Variants in AP2A2 observed in about 807,000 individuals in gnomAD.
The protein encoded by AP2A2 is AP-2 complex subunit alpha-2.
Under a neutral mutation model 104.2 loss-of-function variants are expected in AP2A2, and 32 were observed. The observed-to-expected ratio is 0.31, with a 90% CI of 0.23 to 0.41. AP2A2 has a LOEUF of 0.41. Among genes scored for constraint, AP2A2 ranks in the 10% least tolerant of loss-of-function variants. The probability of loss-of-function intolerance (pLI) is 1.00; values close to 1 mark genes in which losing one functional copy is unlikely to be tolerated. For missense variants in AP2A2, 912 were observed against 1,261.0 expected, an observed-to-expected ratio of 0.72 and a Z score of 4.19; for synonymous variants, 539 against 533.3, an observed-to-expected ratio of 1.01 and a Z score of -0.15.
intron 1 of AP2A2, among the ~76,000 whole-genome samples, chr11:928,721 G>C (rs1344778722): frequency 6.6e-6 from 1 of 152,244 alleles, no homozygotes; most frequent in African/African-American, 2.4e-5. Context: ...TCCCCTGAAG[G>C]AGCTCGTAGA....
rs1855995263 is a variant in AP2A2, at chr11:1,000,484, C to T, written c.2009C>T (p.Ala670Val). The T allele has an allele frequency of 3.9e-6, 6 of 1,539,268 alleles. No homozygotes were observed. The highest frequency in any genetic ancestry group is 4.4e-6 in the Non-Finnish European group (5 of 1,146,976). The part of the protein sequence containing the change: ...DLLGLGAAPP[A>V]PAGPPPSSGG... ...CTGGGTCTCGGGGCTGCCCCCCCTG[C>T]CCCCGCGGGCCCCCCACCCTCCTCC... is the stretch of plus-strand genomic sequence containing the variant. The change falls in exon 15 of 22, where the codon GCC becomes GTC. Residue 670 changes from alanine (A) to valine (V), a missense_variant. Ala to Val is a moderately conservative substitution (Grantham distance 64, BLOSUM62 0). This residue lies in a region of AP2A2 where 105 missense variants were observed against 90.9 expected (regional missense o/e 1.16). Coordinates refer to ENST00000448903, the MANE Select transcript of AP2A2 (RefSeq NM_012305.4).
At chr11:934,458 A>G (rs1853389627) in intron 1 of AP2A2, among the ~76,000 whole-genome samples, 1 of 152,032 alleles carries the variant, frequency 6.6e-6, no homozygotes, top group Non-Finnish European at 1.5e-5. Context: ...AGCCCTGTCG[A>G]GAGCCTGGAG....
intron 1 of AP2A2, among the ~76,000 whole-genome samples, chr11:945,007 G>A (rs764142505): frequency 6.6e-6 from 1 of 152,122 alleles, no homozygotes; most frequent in Non-Finnish European, 1.5e-5. Flanking sequence ...GTAATGCAGA[G>A]TGGTGAATGG....
chr11:949,012 G>A (rs574359962), intron 1 of AP2A2, among the ~76,000 whole-genome samples: 78 of 152,118 alleles, frequency 5.1e-4, no homozygotes, highest in Non-Finnish European at 2.2e-4. Context: ...AGTCCTGGCC[G>A]GGTGCAGTGG....
intron 4 of AP2A2, among the ~76,000 whole-genome samples, chr11:976,393 G>C (rs1253461718): frequency 1.3e-5 from 2 of 152,190 alleles, no homozygotes; most frequent in African/African-American, 4.8e-5. Flanking sequence ...GCAGATTCCA[G>C]CTGATTCTGT....
At chr11:957,624 A>C (rs981923588) in intron 1 of AP2A2, among the ~76,000 whole-genome samples, 5 of 152,214 alleles carry the variant, frequency 3.3e-5, no homozygotes, top group Non-Finnish European at 7.3e-5. Flanking sequence ...TGAGCCAGGA[A>C]CTGTAGATGA....
intron 8 of AP2A2, among the ~76,000 whole-genome samples, chr11:985,997 C>T (rs1044705828): frequency 1.3e-5 from 2 of 152,236 alleles, no homozygotes; most frequent in African/African-American, 2.4e-5. Context: ...ATCCACGAAG[C>T]GCAGAGGCGC....
Position 983,639 on chromosome 11 carries a change from T to C in AP2A2, c.706-1006T>C, listed in dbSNP as rs759450826. On this transcript the variant is annotated intron_variant, in intron 6 of 21. Coordinates refer to ENST00000448903, the MANE Select transcript of AP2A2 (RefSeq NM_012305.4). ...ACCTTGTGATCCGCCCGCCTTGGCC[T>C]CTCAAAGTGCTGGGATTACAGGCGG... Among the ~76,000 whole-genome samples the C allele has an allele frequency of 4.0e-4, 61 of 152,108 alleles. 1 individual carries two copies. Among genetic ancestry groups the C allele is most frequent in the Admixed American group, 3.3e-3 (51 of 15,286 alleles).
At chr11:940,684 T>G (rs1222644507) in intron 1 of AP2A2, 4 of 380,310 alleles carry the variant, frequency 1.1e-5, no homozygotes, top group Non-Finnish European at 2.1e-5. Flanking sequence ...TGAATGCCTT[T>G]TGTGTAGGTT....
chr11:1,008,388 G>T, intron 18 of AP2A2: 1 of 479,342 alleles, frequency 2.1e-6, no homozygotes. Context: ...ATCTTTCTGG[G>T]CACCATGGGG....
chr11:927,582 G>T (rs555295122), intron 1 of AP2A2, among the ~76,000 whole-genome samples: 1 of 151,626 alleles, frequency 6.6e-6, no homozygotes, highest in Admixed American at 6.6e-5. Flanking sequence ...TTGGGAGGCT[G>T]AGGCAGGTGG....
intron 1 of AP2A2, among the ~76,000 whole-genome samples, chr11:954,129 C>T (rs141103303): frequency 6.6e-6 from 1 of 152,216 alleles, no homozygotes; most frequent in Admixed American, 6.5e-5. Context: ...CCTGGCCTCT[C>T]TACCTTCTCT....
In AP2A2 at chr11:993,335, A is replaced by G. The variant is rs541024204; in HGVS notation, c.1504A>G (p.Ile502Val). Reference protein sequence around the residue: ...HENLVKVGGYILGEFGNLIAG... With the variant: ...HENLVKVGGYVLGEFGNLIAG... ...GAACCTGGTCAAAGTGGGCGGCTAC[A>G]TCCTGGGGGAGTTTGGAAACTTGAT... The change falls in exon 12 of 22, where the codon ATC becomes GTC. Residue 502 changes from isoleucine (I) to valine (V), a missense_variant. Ile to Val is a conservative substitution (Grantham distance 29, BLOSUM62 3). Transcript: ENST00000448903. This position sits in a 1 kb window ranked among gnomAD's most constrained non-coding sequence, Gnocchi z 8.2. 17 of 1,612,600 alleles carry G rather than the reference A, an allele frequency of 1.1e-5. No homozygotes were observed. Among genetic ancestry groups the G allele is most frequent in the Non-Finnish European group, 5.9e-6 (7 of 1,179,522 alleles).
At chr11:938,678 G>C (rs1853546035) in intron 1 of AP2A2, among the ~76,000 whole-genome samples, 1 of 151,868 alleles carries the variant, frequency 6.6e-6, no homozygotes. Flanking sequence ...GTTTCACCGT[G>C]TTAACCAGGA....
intron 16 of AP2A2, among the ~76,000 whole-genome samples, chr11:1,006,280 C>T (rs533413301): frequency 1.3e-5 from 2 of 152,126 alleles, no homozygotes; most frequent in Non-Finnish European, 2.9e-5. Flanking sequence ...CAGGAGGGGC[C>T]GAGGGAGGAG....
intron 9 of AP2A2, among the ~76,000 whole-genome samples, chr11:987,753 A>G (rs1855511938): frequency 6.6e-6 from 1 of 152,146 alleles, no homozygotes; most frequent in Non-Finnish European, 1.5e-5. Flanking sequence ...TTCGTTCCAC[A>G]TAGGGGACCC....
At position 993,705 on chromosome 11, in the gene AP2A2, G is replaced by GC. The variant is rs756281282; in HGVS notation, c.1551-47dup. Reference sequence around the variant, plus strand: ...CCCCCCCCCGCGGGGGCGTGCTGCAGCCTGCGAGGGGACGACGGTGTCCCT... The same window carrying GC: ...CCCCCCCCCGCGGGGGCGTGCTGCAGCCCTGCGAGGGGACGACGGTGTCCCT... On this transcript the variant is annotated intron_variant, in intron 12 of 21. Transcript: ENST00000448903. The surrounding 1 kb of genome is among the most constrained non-coding windows in gnomAD (Gnocchi z 8.2). 2 of 1,447,234 alleles carry GC rather than the reference G, an allele frequency of 1.4e-6. No individual in the cohort carries two copies. The highest frequency in any genetic ancestry group is 1.4e-5 in the African/African-American group (1 of 71,508). The allele number at this position is 1,447,234 out of a possible 1,614,324, so 89.6% of individuals were successfully genotyped here.
chr11:997,188 A>G (rs1855884637), intron 14 of AP2A2, among the ~76,000 whole-genome samples: 1 of 152,100 alleles, frequency 6.6e-6, no homozygotes, highest in South Asian at 2.1e-4. Context: ...TTTATTTAAC[A>G]TCATAGATGA....
intron 1 of AP2A2, among the ~76,000 whole-genome samples, chr11:930,669 C>T (rs1404296412): frequency 2.0e-5 from 3 of 152,068 alleles, no homozygotes; most frequent in East Asian, 1.9e-4. Flanking sequence ...TACAGGTGCA[C>T]GCCACCACGC....
Sources: gnomAD v4.1 joint callset for allele counts (sites outside exome capture counted in the v4.1 genomes callset) on GRCh38, gnomAD v4.1.1 for gene constraint, gnomAD v4.1.1 regional missense constraint, Gnocchi (gnomAD v3.1) non-coding constraint, MANE v1.5 for transcripts, NCBI Gene and HGNC (gene_info 2026-07-23, HGNC 2026-07-21) for gene names.